SMCO2: variants seen among roughly 807,000 people sequenced by gnomAD.
SMCO2 encodes single-pass membrane protein with coiled-coil domains 2, also known as single-pass membrane and coiled-coil domain-containing protein 2.
SMCO2 carries 25 observed loss-of-function variants against 29.5 expected under a neutral mutation model. That is an observed-to-expected ratio of 0.85 (90% CI 0.62 to 1.18). SMCO2 has a LOEUF of 1.18. Ranked by LOEUF, SMCO2 falls within the 50% of genes most tolerant of loss-of-function variation. SMCO2 has a pLI of 0.00. For synonymous variants in SMCO2, 117 were observed against 123.3 expected, an observed-to-expected ratio of 0.95 and a Z score of 0.34; for missense variants, 348 against 344.5, an observed-to-expected ratio of 1.01 and a Z score of -0.08.
intron 3 of SMCO2, among the ~76,000 whole-genome samples, chr12:27,473,897 G>A (rs1473406819): frequency 3.9e-5 from 6 of 152,184 alleles, no homozygotes; most frequent in African/African-American, 1.4e-4. Flanking sequence ...GTCGATTTTT[G>A]CATGCAGAGA....
exon 2 of SMCO2, chr12:27,470,650 A>G: frequency 6.4e-7 from 1 of 1,551,102 alleles, no homozygotes; most frequent in Non-Finnish European, 8.7e-7. Context: ...CACGCCCACA[A>G]ACCTAAATAA....
chr12:27,489,476 G>T (rs1297910479), intron 5 of SMCO2, among the ~76,000 whole-genome samples: 1 of 151,982 alleles, frequency 6.6e-6, no homozygotes, highest in African/African-American at 2.4e-5. Context: ...CCCTGAAAAA[G>T]AAAAAAGTCT....
At chr12:27,454,273 C>A in the SMCO2 span, among the ~76,000 whole-genome samples, 104 of 152,334 alleles carry the variant, frequency 6.8e-4, 1 homozygote, top group South Asian at 1.5e-3. Context: ...TGTGAGCCAC[C>A]ATGCCTGGCC....
At chr12:27,434,660 A>G in the SMCO2 span, among the ~76,000 whole-genome samples, 2 of 152,232 alleles carry the variant, frequency 1.3e-5, no homozygotes, top group South Asian at 2.1e-4. Flanking sequence ...AAAAACAAGA[A>G]GAAAAAAATA....
the SMCO2 span, among the ~76,000 whole-genome samples, chr12:27,432,572 A>G: frequency 6.6e-6 from 1 of 152,238 alleles, no homozygotes; most frequent in Non-Finnish European, 1.5e-5. Context: ...AAAGAGGGAT[A>G]GCATTTGTAC....
intron 4 of SMCO2, among the ~76,000 whole-genome samples, chr12:27,486,932 A>T (rs1949693615): frequency 6.6e-6 from 1 of 152,134 alleles, no homozygotes. Context: ...TTTATTTTGA[A>T]ATAATTATAG....
chr12:27,454,327 A>C, the SMCO2 span, among the ~76,000 whole-genome samples: 1 of 152,226 alleles, frequency 6.6e-6, no homozygotes, highest in Admixed American at 6.5e-5. Flanking sequence ...ATGGGATTAC[A>C]TAATGAGTAT....
chr12:27,456,816 CT>C, the SMCO2 span, among the ~76,000 whole-genome samples: 1 of 152,122 alleles, frequency 6.6e-6, no homozygotes, highest in Non-Finnish European at 1.5e-5. Context: ...CCAGTTAGGA[CT>C]GGTAACCTAT....
intron 6 of SMCO2, 135 bp from the exon 8 acceptor site, chr12:27,495,545 G>C (rs1942989000): frequency 2.7e-6 from 2 of 734,404 alleles, no homozygotes; most frequent in African/African-American, 3.7e-5. Flanking sequence ...CCAATGATCT[G>C]TTCATGGGAC....
chr12:27,461,080 T>C, the SMCO2 span, among the ~76,000 whole-genome samples: 1 of 152,306 alleles, frequency 6.6e-6, no homozygotes, highest in South Asian at 2.1e-4. Context: ...ACGTGCCTGA[T>C]ATAAAATGGT....
intron 1 of SMCO2, among the ~76,000 whole-genome samples, chr12:27,467,813 A>G (rs963480221): frequency 4.9e-4 from 74 of 152,250 alleles, no homozygotes; most frequent in African/African-American, 1.6e-3. Flanking sequence ...AATAGAGGTA[A>G]CAAGATGTGC....
intron 4 of SMCO2, among the ~76,000 whole-genome samples, chr12:27,478,783 A>AC (rs371998984): frequency 0.12 from 18,228 of 152,068 alleles, 2,086 homozygotes; most frequent in African/African-American, 0.28. Flanking sequence ...TGGTACCCTG[A>AC]AGGCAGGGCA....
At chr12:27,501,987 A>T in exon 8 of SMCO2, 1 of 1,548,056 alleles carries the variant, frequency 6.5e-7, no homozygotes, top group Non-Finnish European at 8.7e-7. Flanking sequence ...TTTATGTTAC[A>T]TACTATTTTT....
upstream of SMCO2, among the ~76,000 whole-genome samples, chr12:27,463,488 A>T (rs1287977213): frequency 6.6e-6 from 1 of 151,992 alleles, no homozygotes; most frequent in African/African-American, 2.4e-5. Context: ...GCTGGTCTCA[A>T]ACTCCTGACC....
At chr12:27,474,404 T>C (rs1949566435) in intron 3 of SMCO2, among the ~76,000 whole-genome samples, 1 of 152,230 alleles carries the variant, frequency 6.6e-6, no homozygotes, top group Non-Finnish European at 1.5e-5. Flanking sequence ...TTGGTTTTCA[T>C]ATCTCTTTAG....
At chr12:27,459,432 G>A in the SMCO2 span, among the ~76,000 whole-genome samples, 2 of 152,002 alleles carry the variant, frequency 1.3e-5, no homozygotes, top group Non-Finnish European at 2.9e-5. Context: ...AAGTACATAT[G>A]GGTACAAACA....
the SMCO2 span, among the ~76,000 whole-genome samples, chr12:27,433,975 A>G: frequency 3.4e-4 from 52 of 152,142 alleles, no homozygotes; most frequent in Non-Finnish European, 5.1e-4. Context: ...GTGCCATCTC[A>G]GCTCACTGCA....
chr12:27,440,591 C>T, the SMCO2 span, among the ~76,000 whole-genome samples: 4 of 145,862 alleles, frequency 2.7e-5, no homozygotes, highest in Admixed American at 2.1e-4. Flanking sequence ...ATTGAGGCAA[C>T]TAAAAGTCAA....
At chr12:27,498,881 A>G (rs1187358842) in intron 7 of SMCO2, among the ~76,000 whole-genome samples, 1 of 150,592 alleles carries the variant, frequency 6.6e-6, no homozygotes, top group African/African-American at 2.5e-5. Context: ...ACAATGAACC[A>G]CAGTGGGATA....
Sources: allele counts gnomAD v4.1 joint callset (sites outside exome capture counted in the v4.1 genomes callset), GRCh38; gene constraint gnomAD v4.1.1; transcripts MANE v1.5; gene names NCBI Gene and HGNC (gene_info 2026-07-23, HGNC 2026-07-21).